TRPM3: variants seen among roughly 807,000 people sequenced by gnomAD.
TRPM3 encodes the protein long transient receptor potential channel 3.
TRPM3 carries 77 observed loss-of-function variants against 181.2 expected under a neutral mutation model. The observed-to-expected ratio is 0.42, with a 90% CI of 0.35 to 0.51. TRPM3 has a LOEUF of 0.51. Among genes scored for constraint, TRPM3 ranks in the 20% least tolerant of loss-of-function variants. The pLI is 0.01. For synonymous variants in TRPM3, 745 were observed against 796.4 expected, an observed-to-expected ratio of 0.94 and a Z score of 1.09; for missense variants, 1,759 against 2,196.7, an observed-to-expected ratio of 0.80 and a Z score of 3.98.
chr9:70,952,531 A>G (rs2097014950), intron 1 of TRPM3, among the ~76,000 whole-genome samples: 2 of 152,210 alleles, frequency 1.3e-5, no homozygotes, highest in African/African-American at 2.4e-5. Context: ...CCTTTCTGAT[A>G]GGCACCAGGA....
Position 70,610,679 on chromosome 9 carries a change from C to T in TRPM3, c.2597G>A (p.Arg866Gln), listed in dbSNP as rs149653152. 1.0e-4 allele frequency: 166 copies of T among 1,614,000 alleles called. No homozygotes were observed. The highest frequency in any genetic ancestry group is 1.3e-4 in the Non-Finnish European group (157 of 1,179,996). Residue 866 changes from arginine (R) to glutamine (Q), a missense_variant, in exon 19 of 26, where the codon CGG (arginine) becomes CAG (glutamine). Transcript: ENST00000677713. ...GATTTTTCTGCCGAGGGGGATTAAC[C>T]GGTGCTTGCTCTGAACTTCCTCTTC... is the stretch of plus-strand genomic sequence containing the variant. ...KDEEEVQSKH[R>Q]LIPLGRKIYE...
At chr9:71,160,018 C>G (rs922123846) in intron 1 of TRPM3, among the ~76,000 whole-genome samples, 2 of 152,078 alleles carry the variant, frequency 1.3e-5, no homozygotes, top group African/African-American at 4.8e-5. Context: ...GACTCACCTC[C>G]CTACAACCCC....
chr9:71,304,505 A>G (rs1213318368), intron 1 of TRPM3, among the ~76,000 whole-genome samples: 1 of 152,206 alleles, frequency 6.6e-6, no homozygotes. Flanking sequence ...TACAAATATC[A>G]AAGAAATCCA....
At chr9:71,420,690 G>GAGA (rs2093720293) in intron 1 of TRPM3, among the ~76,000 whole-genome samples, 1 of 6,808 alleles carries the variant, frequency 1.5e-4, no homozygotes, top group Non-Finnish European at 2.7e-4. Context: ...AAAGAGAAAG[G>GAGA]GAAAGAGAAA....
At chr9:71,296,225 T>C (rs867361260) in intron 1 of TRPM3, among the ~76,000 whole-genome samples, 47 of 152,226 alleles carry the variant, frequency 3.1e-4, no homozygotes, top group African/African-American at 1.0e-3. Flanking sequence ...TAAATATACA[T>C]TGAAATGAAA....
At chr9:71,163,359 T>C (rs2076371728) in intron 1 of TRPM3, among the ~76,000 whole-genome samples, 1 of 151,526 alleles carries the variant, frequency 6.6e-6, no homozygotes, top group Admixed American at 6.6e-5. Context: ...GGTAGGTAGA[T>C]TGATGAGACT....
chr9:70,604,803 C>T (rs961557375), intron 19 of TRPM3, among the ~76,000 whole-genome samples: 3 of 152,002 alleles, frequency 2.0e-5, no homozygotes, highest in African/African-American at 7.2e-5. Context: ...CGTGCCACCA[C>T]ACCCAGCTAA....
intron 1 of TRPM3, among the ~76,000 whole-genome samples, chr9:71,226,275 G>C (rs1565361081): frequency 6.6e-6 from 1 of 151,948 alleles, no homozygotes; most frequent in African/African-American, 2.4e-5. Context: ...AAAGAAGAAA[G>C]AGAAGGTGAC....
At chr9:71,283,453 C>A (rs1303593770) in intron 1 of TRPM3, among the ~76,000 whole-genome samples, 1 of 152,040 alleles carries the variant, frequency 6.6e-6, no homozygotes, top group Non-Finnish European at 1.5e-5. Context: ...CCCACCACCA[C>A]GCCTGGCTGA....
At chr9:70,683,758 C>A (rs2134282266) in intron 8 of TRPM3, among the ~76,000 whole-genome samples, 1 of 152,224 alleles carries the variant, frequency 6.6e-6, no homozygotes, top group African/African-American at 2.4e-5. Flanking sequence ...TCCCAAACAG[C>A]TATTTAATGC....
intron 1 of TRPM3, among the ~76,000 whole-genome samples, chr9:71,444,051 T>C (rs2094170763): frequency 6.6e-6 from 1 of 151,764 alleles, no homozygotes; most frequent in Non-Finnish European, 1.5e-5. Flanking sequence ...TGGTGGTGCG[T>C]GCCTATAATC....
intron 1 of TRPM3, among the ~76,000 whole-genome samples, chr9:71,275,456 C>T (rs1302309955): frequency 6.6e-6 from 1 of 152,024 alleles, no homozygotes; most frequent in East Asian, 1.9e-4. Flanking sequence ...ACAAATTAAT[C>T]TATAAATTTG....
At position 70,842,899 on chromosome 9, in the gene TRPM3, C is replaced by A. The variant is rs898206113; in HGVS notation, c.801+104G>T. 73 of 1,165,326 alleles carry A rather than the reference C, an allele frequency of 6.3e-5. No homozygotes were observed. In the African/African-American group the frequency reaches 1.1e-3, roughly 17 times the overall value. The allele number at this position is 1,165,326 out of a possible 1,614,324, so 72.2% of individuals were successfully genotyped here. On this transcript the variant is annotated intron_variant, in intron 5 of 25. Coordinates refer to ENST00000677713, the MANE Select transcript of TRPM3 (RefSeq NM_001366145.2). ...ATGTTTCATTTTAGTGAGTAGAGAC[C>A]CAAAGAATACTATAATGTGCACATT...
At chr9:71,062,547 G>A (rs1365003706) in intron 1 of TRPM3, among the ~76,000 whole-genome samples, 2 of 152,052 alleles carry the variant, frequency 1.3e-5, no homozygotes, top group African/African-American at 4.8e-5. Flanking sequence ...CTGCTGATTT[G>A]CTTTCTAAAT....
chr9:70,877,804 A>AACACACACGCACACACAC (rs2095895683), intron 1 of TRPM3, among the ~76,000 whole-genome samples: 1 of 146,112 alleles, frequency 6.8e-6, no homozygotes, highest in South Asian at 2.2e-4. Flanking sequence ...AAAATCATAA[A>AACACACACGCACACACAC]ACACACACAC....
At chr9:70,632,279 G>C (rs1485262025) in intron 12 of TRPM3, among the ~76,000 whole-genome samples, 1 of 152,128 alleles carries the variant, frequency 6.6e-6, no homozygotes, top group Admixed American at 6.5e-5. Context: ...ATTGCTGAAA[G>C]TCACCTGAGA....
chr9:70,669,071 G>A (rs1352532458), intron 9 of TRPM3, among the ~76,000 whole-genome samples: 3 of 152,194 alleles, frequency 2.0e-5, no homozygotes, highest in Non-Finnish European at 4.4e-5. Flanking sequence ...TCTGAGGCAC[G>A]AGAAAGTCAC....
intron 1 of TRPM3, among the ~76,000 whole-genome samples, chr9:71,404,108 G>A (rs779876064): frequency 2.5e-4 from 38 of 152,128 alleles, no homozygotes; most frequent in South Asian, 8.3e-4. Context: ...GTCACTCAGC[G>A]CCTGGCCATC....
At chr9:71,397,550 G>A (rs534137528) in intron 1 of TRPM3, among the ~76,000 whole-genome samples, 8 of 152,224 alleles carry the variant, frequency 5.3e-5, no homozygotes, top group African/African-American at 1.9e-4. Context: ...GGAAGAGTTG[G>A]AACTTTTTCA....
Sources: gnomAD v4.1 joint callset for allele counts (sites outside exome capture counted in the v4.1 genomes callset) on GRCh38, gnomAD v4.1.1 for gene constraint, MANE v1.5 for transcripts, NCBI Gene and HGNC (gene_info 2026-07-23, HGNC 2026-07-21) for gene names.